Variants in GREB1 observed in about 807,000 individuals in gnomAD.
GREB1 encodes the protein growth regulating estrogen receptor binding 1.
Under a neutral mutation model 200.7 loss-of-function variants are expected in GREB1, and 106 were observed. The ratio of observed to expected loss-of-function variants is 0.53; its 90% CI spans 0.45 to 0.62. The LOEUF is 0.62. Among genes scored for constraint, GREB1 ranks in the 20% least tolerant of loss-of-function variants. GREB1 has a pLI of 0.00. For synonymous variants in GREB1, 1,132 were observed against 1,092.4 expected (o/e 1.04, Z -0.72); for missense variants, 2,243 against 2,556.8 (o/e 0.88, Z 2.65).
In GREB1 at chr2:11,640,956, T is replaced by C. The variant is rs1452008401; in HGVS notation, c.*502T>C. ...ATAAGTAGATCGTTTTAATAACAAT[T>C]ATTTAATTGCCTATAAGTTTGCTGT... On this transcript the variant is annotated 3_prime_UTR_variant, in exon 33 of 33. Coordinates refer to ENST00000381486, the MANE Select transcript of GREB1 (RefSeq NM_014668.4). The surrounding 1 kb of genome is among the most constrained non-coding windows in gnomAD (Gnocchi z 4.6). The C allele has an allele frequency of 6.4e-6, 1 of 155,092 alleles. No individual in the cohort carries two copies. The highest frequency in any genetic ancestry group is 1.4e-5 in the Non-Finnish European group (1 of 70,152). The allele number at this position is 155,092 out of a possible 1,614,324, so 9.6% of individuals were successfully genotyped here. A position where few individuals can be genotyped will look rare whatever the true frequency, so the allele number is the denominator to read the frequency against.
At chr2:11,542,792 C>T (rs531980489) in intron 1 of GREB1, 1 of 152,662 alleles carries the variant, frequency 6.6e-6, no homozygotes, top group East Asian at 1.9e-4. Context: ...GCCCCTCTGG[C>T]TTTGTTTGGA....
chr2:11,537,862 C>T (rs1674370977), intron 1 of GREB1, among the ~76,000 whole-genome samples: 1 of 151,692 alleles, frequency 6.6e-6, no homozygotes, highest in Non-Finnish European at 1.5e-5. Context: ...ATCTACCTAT[C>T]TTTCTATACA....
intron 13 of GREB1, 73 bp downstream of exon 13, chr2:11,596,312 C>G (rs1681200130): frequency 2.2e-6 from 3 of 1,366,628 alleles, no homozygotes; most frequent in Non-Finnish European, 1.0e-6. Context: ...TCAGTGGGCG[C>G]AGGTGTGCAC....
rs760151826 is a variant in GREB1 at position 11,633,104 on chromosome 2, A to G, written c.4991+41A>G. 3.8e-6 allele frequency: 6 copies of G among 1,596,656 alleles called. No homozygotes were observed. Among genetic ancestry groups the G allele is most frequent in the Non-Finnish European group, 5.1e-6 (6 of 1,165,414 alleles). On this transcript the variant is annotated intron_variant, in intron 28 of 32. Transcript: ENST00000381486. This position sits in a 1 kb window ranked among gnomAD's most constrained non-coding sequence, Gnocchi z 4.1. ...AGCACCACCTCCTGCCACCCTACGA[A>G]TGATGACCAACGAGTGTGCCCTCTT...
At chr2:11,519,523 T>C (rs1310587128) in intron 1 of GREB1, among the ~76,000 whole-genome samples, 1 of 138,556 alleles carries the variant, frequency 7.2e-6, no homozygotes, top group Non-Finnish European at 1.5e-5. Context: ...TGGCACGATC[T>C]CGGCTCACTG....
intron 4 of GREB1, 24 bp from the exon 5 acceptor site, chr2:11,576,329 T>G: frequency 1.3e-6 from 2 of 1,570,408 alleles, no homozygotes; most frequent in Non-Finnish European, 8.6e-7. Flanking sequence ...AAGAAAGATG[T>G]TTATGGTTTA....
chr2:11,639,098 T>C (rs1242589968), intron 32 of GREB1, among the ~76,000 whole-genome samples: 1 of 152,204 alleles, frequency 6.6e-6, no homozygotes, highest in Non-Finnish European at 1.5e-5. Context: ...TTTCTTTCTT[T>C]CTGGTTTTTG....
intron 1 of GREB1, among the ~76,000 whole-genome samples, chr2:11,521,107 CTTCT>C (rs1223605866): frequency 6.6e-6 from 1 of 151,980 alleles, no homozygotes; most frequent in South Asian, 2.1e-4. Flanking sequence ...GGTCTTTTCT[CTTCT>C]TTGTCTTTTT....
In GREB1 at chr2:11,484,260, A is replaced by G. The variant is rs78133874; in HGVS notation, c.-159+1879A>G. ...TGCTTTCTCAGAAAAGTATGTTTCT[A>G]GGAAACAAAAACCAAATTTAAAATT... On this transcript the variant is annotated intron_variant, in intron 1 of 2. Transcript: ENST00000628795. Among the ~76,000 whole-genome samples the G allele has an allele frequency of 8.3e-3, 1,268 of 152,356 alleles. 26 individuals are homozygous for G. The highest frequency in any genetic ancestry group is 0.029 in the African/African-American group (1,220 of 41,580).
intron 1 of GREB1, among the ~76,000 whole-genome samples, chr2:11,484,187 C>T (rs1376025099): frequency 6.6e-6 from 1 of 152,170 alleles, no homozygotes; most frequent in Non-Finnish European, 1.5e-5. Flanking sequence ...GGCAGATTTG[C>T]AGAATTGTTC....
intron 26 of GREB1, 47 bp downstream of exon 26, chr2:11,630,156 G>T: frequency 6.3e-7 from 1 of 1,590,452 alleles, no homozygotes; most frequent in Non-Finnish European, 8.6e-7. Flanking sequence ...GGCTTCAACT[G>T]GGGACTGAGC....
At chr2:11,569,658 CTAT>C (rs1263715791) in intron 4 of GREB1, among the ~76,000 whole-genome samples, 2 of 152,212 alleles carry the variant, frequency 1.3e-5, no homozygotes, top group African/African-American at 4.8e-5. Flanking sequence ...TGCAGTGGGT[CTAT>C]TATTATCTAG....
chr2:11,531,986 G>A (rs780326067), upstream of GREB1, among the ~76,000 whole-genome samples: 20 of 152,204 alleles, frequency 1.3e-4, no homozygotes, highest in African/African-American at 4.3e-4. Context: ...GAATGATACC[G>A]CTTTCTCTCT....
At chr2:11,514,624 G>T (rs1476772796) in intron 1 of GREB1, among the ~76,000 whole-genome samples, 1 of 152,238 alleles carries the variant, frequency 6.6e-6, no homozygotes, top group African/African-American at 2.4e-5. Flanking sequence ...GGAGGTTTCA[G>T]TTGGGCCAAA....
Position 11,618,435 on chromosome 2 carries a change from C to T in GREB1, c.3560C>T (p.Ser1187Leu), listed in dbSNP as rs376336903. ...QRPRASQGPP[S>L]AISRHSPGPT... ...CCCCGGGCAAGTCAGGGGCCACCCT[C>T]GGCCATCAGCAGGCACAGTCCCGGG... is the stretch of plus-strand genomic sequence containing the variant. The change falls in exon 22 of 33, where the codon TCG (serine) becomes TTG (leucine). Residue 1187 changes from serine (S) to leucine (L), a missense_variant. This residue lies in a region of GREB1 where 587 missense variants were observed against 553.1 expected (regional missense o/e 1.06). Coordinates refer to ENST00000381486, the MANE Select transcript of GREB1 (RefSeq NM_014668.4). 4.1e-4 allele frequency: 652 copies of T among 1,606,128 alleles called. 4 individuals are homozygous for T. Among genetic ancestry groups the T allele is most frequent in the Middle Eastern group, 1.5e-3 (9 of 6,038 alleles).
In GREB1 at chr2:11,611,458, G is replaced by A. The variant is rs528620504; in HGVS notation, c.3006+431G>A. Among the ~76,000 whole-genome samples the A allele has an allele frequency of 4.6e-5, 7 of 152,240 alleles. 1 individual carries two copies. The South Asian group carries it at 6.2e-4, about 14-fold the overall frequency. ...CTCCTGAGTAGCTGGAACCACCAGC[G>A]TGTGCCACCACACTCGGCTAATTTT... On this transcript the variant is annotated intron_variant, in intron 18 of 32. Coordinates refer to ENST00000381486, the MANE Select transcript of GREB1 (RefSeq NM_014668.4).
chr2:11,572,369 T>G (rs762844442), intron 4 of GREB1, among the ~76,000 whole-genome samples: 3 of 152,136 alleles, frequency 2.0e-5, no homozygotes, highest in Non-Finnish European at 4.4e-5. Flanking sequence ...GTGGGAGGAC[T>G]CCTCTCTGCA....
In GREB1 at chr2:11,593,759, G is replaced by A. The variant is rs528615783; in HGVS notation, c.1696+633G>A. 1.0e-3 allele frequency among the ~76,000 whole-genome samples: 159 copies of A among 152,130 alleles called. 1 individual carries two copies. The South Asian group carries it at 0.016, about 15-fold the overall frequency. ...GCTGGGATTACAGGAGTGAGCCACC[G>A]TGCCCGGCCAATTGATTTAATTTTA... On this transcript the variant is annotated intron_variant, in intron 11 of 32. Coordinates refer to ENST00000381486, the MANE Select transcript of GREB1 (RefSeq NM_014668.4).
intron 10 of GREB1, among the ~76,000 whole-genome samples, chr2:11,589,152 T>C (rs1680479175): frequency 6.6e-6 from 1 of 152,186 alleles, no homozygotes; most frequent in African/African-American, 2.4e-5. Context: ...CCAGAACTCT[T>C]TATCTGCCAT....
Sources: gnomAD v4.1 joint callset for allele counts (sites outside exome capture counted in the v4.1 genomes callset) on GRCh38, gnomAD v4.1.1 for gene constraint, gnomAD v4.1.1 regional missense constraint, Gnocchi (gnomAD v3.1) non-coding constraint, MANE v1.5 for transcripts, NCBI Gene and HGNC (gene_info 2026-07-23, HGNC 2026-07-21) for gene names.